NRG4: variants seen among roughly 807,000 people sequenced by gnomAD.
The protein encoded by NRG4 is pro-neuregulin-4, membrane-bound isoform.
In NRG4, 10 loss-of-function variants were observed where a neutral mutation model predicts 15.0. The ratio of observed to expected loss-of-function variants is 0.67; its 90% CI spans 0.41 to 1.13. The LOEUF is 1.13. NRG4 is among the 50% of genes most tolerant of loss of function. The pLI is 0.00. For synonymous variants in NRG4, 41 were observed against 50.1 expected (o/e 0.82, Z 0.77); for missense variants, 139 against 140.2 (o/e 0.99, Z 0.04).
At chr15:75,974,458 G>C (rs1268523559) in intron 3 of NRG4, among the ~76,000 whole-genome samples, 1 of 151,690 alleles carries the variant, frequency 6.6e-6, no homozygotes, top group Non-Finnish European at 1.5e-5. Context: ...TGTGATGTTA[G>C]GGTGTTGATC....
At chr15:76,028,054 T>G (rs1275306796) in intron 5 of NRG4, among the ~76,000 whole-genome samples, 2 of 151,830 alleles carry the variant, frequency 1.3e-5, no homozygotes, top group Non-Finnish European at 2.9e-5. Context: ...GTAATAAATG[T>G]CTACACAAAA....
intron 2 of NRG4, among the ~76,000 whole-genome samples, chr15:76,054,880 A>G (rs557404318): frequency 6.6e-6 from 1 of 152,386 alleles, no homozygotes; most frequent in South Asian, 2.1e-4. Context: ...TTGCAGTACT[A>G]AATAACATTA....
intron 3 of NRG4, among the ~76,000 whole-genome samples, chr15:75,995,798 G>A (rs1429041363): frequency 6.6e-6 from 1 of 152,212 alleles, no homozygotes; most frequent in African/African-American, 2.4e-5. Context: ...AGTCTGAGGA[G>A]TTGGTTGGCA....
chr15:76,048,365 C>T (rs946981656), intron 4 of NRG4, among the ~76,000 whole-genome samples: 2 of 145,262 alleles, frequency 1.4e-5, no homozygotes, highest in African/African-American at 5.2e-5. Context: ...CTAGCTACTT[C>T]GGAGGCTGAG....
At chr15:76,013,825 T>G (rs1034560972), upstream of NRG4, among the ~76,000 whole-genome samples, 1 of 152,304 alleles carries the variant, frequency 6.6e-6, no homozygotes, top group African/African-American at 2.4e-5. Flanking sequence ...GTCTTTATAG[T>G]AGCATGATTT....
intron 3 of NRG4, among the ~76,000 whole-genome samples, chr15:76,000,488 G>T (rs1473602826): frequency 1.3e-5 from 2 of 152,104 alleles, no homozygotes; most frequent in African/African-American, 2.4e-5. Flanking sequence ...AGAACACTGA[G>T]ATACTATGTT....
At chr15:75,971,586 A>G (rs762614093) in intron 3 of NRG4, among the ~76,000 whole-genome samples, 4 of 152,162 alleles carry the variant, frequency 2.6e-5, no homozygotes, top group East Asian at 1.9e-4. Context: ...TATCCTATCT[A>G]TAGAGGATAT....
At chr15:76,017,862 A>C (rs2035033023) in intron 5 of NRG4, among the ~76,000 whole-genome samples, 1 of 152,036 alleles carries the variant, frequency 6.6e-6, no homozygotes, top group Non-Finnish European at 1.5e-5. Flanking sequence ...CCTGAATTTT[A>C]ATGTTGGCCT....
Position 76,040,197 on chromosome 15 carries a change from G to A in NRG4, c.-104-4206C>T, listed in dbSNP as rs144123618. Among the ~76,000 whole-genome samples the A allele has an allele frequency of 5.9e-3, 904 of 152,226 alleles. 8 individuals carry two copies. The highest frequency in any genetic ancestry group is 0.02 in the African/African-American group (835 of 41,530). ...GAAAAGAAACAAATAACATACAATG[G>A]ACCTCCAATATGTCTGGCAGCAGAC... On this transcript the variant is annotated intron_variant, in intron 4 of 8. Transcript: ENST00000563910.
rs376378202 is a variant in NRG4, at chr15:76,025,822, A to C, written c.-57+10122T>G. 6.6e-5 allele frequency among the ~76,000 whole-genome samples: 10 copies of C among 152,268 alleles called. No individual in the cohort carries two copies. In the East Asian group the frequency reaches 1.7e-3, roughly 26 times the overall value. On this transcript the variant is annotated intron_variant, in intron 5 of 8. Transcript: ENST00000563910. ...AACCCAGGAGGTGGAGGTTGCAGTA[A>C]GCCAAAATCGCATCACTGCACTCCA...
intron 5 of NRG4, among the ~76,000 whole-genome samples, 155 bp from the exon 6 acceptor site, chr15:75,943,809 A>G (rs540386948): frequency 2.6e-5 from 4 of 152,304 alleles, no homozygotes; most frequent in African/African-American, 7.2e-5. Flanking sequence ...TAGAATATCA[A>G]AAATTTCCAG....
chr15:75,952,003 C>T lies in NRG4; in HGVS notation c.331+3929G>A, dbSNP rs2031929515. Among the ~76,000 whole-genome samples the T allele has an allele frequency of 2.0e-5, 3 of 152,274 alleles. No individual in the cohort carries two copies. In the South Asian group the frequency reaches 6.2e-4, roughly 32 times the overall value. ...AGTGAGGTTCTGGTGATGATAAATT[C>T]TTTCAACTGTCATATGCCTGGAAAA... On this transcript the variant is annotated intron_variant, in intron 5 of 5. Transcript: ENST00000394907.
intron 3 of NRG4, among the ~76,000 whole-genome samples, chr15:76,006,121 ACT>A (rs992992782): frequency 6.6e-6 from 1 of 152,136 alleles, no homozygotes; most frequent in Non-Finnish European, 1.5e-5. Flanking sequence ...GAGTTAAGAA[ACT>A]CTGAGCTAGT....
intron 3 of NRG4, among the ~76,000 whole-genome samples, chr15:75,980,627 TCA>T (rs2033568678): frequency 6.6e-6 from 1 of 152,138 alleles, no homozygotes; most frequent in Non-Finnish European, 1.5e-5. Flanking sequence ...TGGCATCCTT[TCA>T]CTTCACTTTT....
Position 75,941,083 on chromosome 15 carries a change from A to G in NRG4, c.*2555T>C, listed in dbSNP as rs1303506604. ...CCAGAATACATACAAAACTCCCAAA[A>G]TGCAACAACAGTGTAAAAACCTGAT... On this transcript the variant is annotated 3_prime_UTR_variant, in exon 6 of 6. Transcript: ENST00000394907. 3.9e-5 allele frequency: 6 copies of G among 152,186 alleles called. No individual in the cohort carries two copies. The highest frequency in any genetic ancestry group is 1.5e-5 in the Non-Finnish European group (1 of 67,992). 9.4% of individuals were successfully genotyped at this position (152,186 alleles called of 1,614,324 possible).
At chr15:75,955,033 G>A (rs532223310) in intron 5 of NRG4, among the ~76,000 whole-genome samples, 1 of 152,128 alleles carries the variant, frequency 6.6e-6, no homozygotes, top group Non-Finnish European at 1.5e-5. Flanking sequence ...GCCTCAGTGG[G>A]AACAGACACT....
intron 4 of NRG4, among the ~76,000 whole-genome samples, chr15:75,959,359 C>T (rs768624908): frequency 6.6e-6 from 1 of 152,058 alleles, no homozygotes; most frequent in Non-Finnish European, 1.5e-5. Flanking sequence ...CCTTTGGTCA[C>T]TATATTAGAT....
chr15:75,972,740 T>C (rs2033157312), intron 3 of NRG4, among the ~76,000 whole-genome samples: 1 of 152,210 alleles, frequency 6.6e-6, no homozygotes, highest in South Asian at 2.1e-4. Context: ...ATATCTGTTT[T>C]GGTACCAGTA....
intron 4 of NRG4, among the ~76,000 whole-genome samples, chr15:75,960,527 T>C (rs2032463274): frequency 6.6e-6 from 1 of 152,328 alleles, no homozygotes; most frequent in Non-Finnish European, 1.5e-5. Flanking sequence ...GCTGAATGCC[T>C]GGGATGGCTC....
Sources: allele counts gnomAD v4.1 joint callset (sites outside exome capture counted in the v4.1 genomes callset), GRCh38; gene constraint gnomAD v4.1.1; transcripts MANE v1.5; gene names NCBI Gene and HGNC (gene_info 2026-07-23, HGNC 2026-07-21).